Variants in PRKN observed in about 807,000 individuals in gnomAD.
PRKN encodes the protein parkin RBR E3 ubiquitin protein ligase.
A neutral mutation model predicts 59.5 loss-of-function variants in PRKN; 56 were observed. The ratio of observed to expected loss-of-function variants is 0.94; its 90% CI spans 0.76 to 1.18. The LOEUF (loss-of-function observed/expected upper bound fraction) is 1.18, where lower values mean the gene tolerates loss of function less well. Among genes scored for constraint, PRKN ranks in the 50% most tolerant of loss-of-function variants. The pLI, the probability that PRKN is intolerant of heterozygous loss-of-function variation, is 0.00. For synonymous variants in PRKN, 250 were observed against 222.1 expected, an observed-to-expected ratio of 1.13 and a Z score of -1.12; for missense variants, 657 against 596.4, an observed-to-expected ratio of 1.10 and a Z score of -1.06.
At chr6:162,422,495 T>A (rs1562753398) in intron 2 of PRKN, among the ~76,000 whole-genome samples, 1 of 152,192 alleles carries the variant, frequency 6.6e-6, no homozygotes, top group Non-Finnish European at 1.5e-5. Context: ...GCAGGGAAGG[T>A]CCAGAATACA....
chr6:161,847,230 C>T (rs1269857815), intron 6 of PRKN, among the ~76,000 whole-genome samples: 3 of 152,090 alleles, frequency 2.0e-5, no homozygotes, highest in African/African-American at 7.2e-5. Flanking sequence ...ATTGCTTGAA[C>T]CAGGGAGTTG....
intron 9 of PRKN, among the ~76,000 whole-genome samples, chr6:161,494,648 T>TA (rs1439718321): frequency 2.0e-5 from 3 of 152,258 alleles, no homozygotes; most frequent in Admixed American, 1.3e-4. Context: ...AATGTGCTGA[T>TA]ACTGTGTGAG....
At chr6:161,478,590 A>AT (rs1188288939) in intron 9 of PRKN, among the ~76,000 whole-genome samples, 2 of 152,352 alleles carry the variant, frequency 1.3e-5, no homozygotes, top group African/African-American at 4.8e-5. Flanking sequence ...CACACCTGTA[A>AT]TCCCACCACT....
intron 1 of PRKN, among the ~76,000 whole-genome samples, chr6:162,517,639 C>A (rs1287676378): frequency 6.6e-6 from 1 of 151,974 alleles, no homozygotes; most frequent in Non-Finnish European, 1.5e-5. Context: ...TCATTGCGTC[C>A]TTGATAAAAT....
intron 4 of PRKN, among the ~76,000 whole-genome samples, chr6:162,063,488 C>T (rs1353534026): frequency 6.6e-6 from 1 of 151,998 alleles, no homozygotes; most frequent in Non-Finnish European, 1.5e-5. Context: ...TTAACAAACG[C>T]TCTCATATAT....
intron 3 of PRKN, among the ~76,000 whole-genome samples, chr6:162,221,230 A>C (rs979741305): frequency 6.6e-6 from 1 of 152,190 alleles, no homozygotes; most frequent in African/African-American, 2.4e-5. Flanking sequence ...TGTTCGCCTC[A>C]GTCCTAGTGC....
chr6:162,241,639 C>T (rs1373282502), intron 3 of PRKN, among the ~76,000 whole-genome samples: 1 of 152,086 alleles, frequency 6.6e-6, no homozygotes, highest in Non-Finnish European at 1.5e-5. Flanking sequence ...CTACTTTATT[C>T]AAGAGTATAA....
At chr6:161,755,812 G>T (rs1788891744) in intron 7 of PRKN, among the ~76,000 whole-genome samples, 1 of 152,066 alleles carries the variant, frequency 6.6e-6, no homozygotes, top group African/African-American at 2.4e-5. Flanking sequence ...CTGTCTTCAT[G>T]TCAGCCAGAT....
chr6:162,543,145 A>C (rs1778989555), intron 1 of PRKN, among the ~76,000 whole-genome samples: 1 of 152,062 alleles, frequency 6.6e-6, no homozygotes. Context: ...TTTCCGAACA[A>C]CACAGTATCC....
At chr6:162,333,084 GC>G (rs1783662079) in intron 2 of PRKN, among the ~76,000 whole-genome samples, 1 of 152,014 alleles carries the variant, frequency 6.6e-6, no homozygotes, top group Non-Finnish European at 1.5e-5. Context: ...GAAATATTTT[GC>G]CCTGTTACTA....
At position 161,357,636 on chromosome 6, in the gene PRKN, C is replaced by T. The variant is rs1003472245; in HGVS notation, c.1285+2452G>A. Among the ~76,000 whole-genome samples the T allele has an allele frequency of 3.3e-5, 5 of 152,220 alleles. No homozygotes were observed. Among genetic ancestry groups the T allele is most frequent in the African/African-American group, 9.7e-5 (4 of 41,444 alleles). ...AAAGTCCTCTTTGGTCCTGTTATGC[C>T]TAGAGCTACTCACTATGACATGGTA... On this transcript the variant is annotated intron_variant, in intron 11 of 11. Transcript: ENST00000366898. This position sits in a 1 kb window ranked among gnomAD's most constrained non-coding sequence, Gnocchi z 5.5.
At chr6:161,654,033 A>C (rs1305999812) in intron 7 of PRKN, among the ~76,000 whole-genome samples, 1 of 151,944 alleles carries the variant, frequency 6.6e-6, no homozygotes, top group Non-Finnish European at 1.5e-5. Flanking sequence ...GGATCTTGCC[A>C]TGTTGTTGAG....
At chr6:161,398,908 T>G (rs947568832) in intron 9 of PRKN, among the ~76,000 whole-genome samples, 3 of 152,132 alleles carry the variant, frequency 2.0e-5, no homozygotes, top group Admixed American at 6.5e-5. Flanking sequence ...AGCAAAGGCC[T>G]GACCCTCAAG....
At chr6:161,894,654 G>C (rs961409178) in intron 6 of PRKN, among the ~76,000 whole-genome samples, 1 of 152,164 alleles carries the variant, frequency 6.6e-6, no homozygotes, top group Non-Finnish European at 1.5e-5. Context: ...TTCTTCCCGT[G>C]TTTGTGTCCT....
At chr6:162,211,816 A>G (rs932448719) in intron 3 of PRKN, among the ~76,000 whole-genome samples, 3 of 152,172 alleles carry the variant, frequency 2.0e-5, no homozygotes, top group African/African-American at 7.2e-5. Flanking sequence ...AAAAATTTGG[A>G]TCATTTCTAG....
rs1488768163 is a variant in PRKN, at chr6:162,686,833, TG to T, written c.7+40828del. 8.5e-5 allele frequency among the ~76,000 whole-genome samples: 13 copies of T among 152,306 alleles called. No individual in the cohort carries two copies. In the East Asian group the frequency reaches 2.5e-3, roughly 29 times the overall value. ...GATCAGCTGGCACTCCGTAGATATA[TG>T]GCTTTATTTCTGGGTTCTCTATTCT... is the stretch of plus-strand genomic sequence containing the variant. On this transcript the variant is annotated intron_variant, in intron 1 of 11. Coordinates refer to ENST00000366898, the MANE Select transcript of PRKN (RefSeq NM_004562.3).
chr6:161,617,348 T>G (rs558030804), intron 7 of PRKN, among the ~76,000 whole-genome samples: 1 of 152,366 alleles, frequency 6.6e-6, no homozygotes, highest in East Asian at 1.9e-4. Flanking sequence ...TCTCCCATTG[T>G]GTAGGCTGCC....
chr6:162,206,902 C>T (rs1784969431), intron 3 of PRKN, among the ~76,000 whole-genome samples: 1 of 152,206 alleles, frequency 6.6e-6, no homozygotes, highest in Non-Finnish European at 1.5e-5. Flanking sequence ...CCAGCAAGCG[C>T]TTCTTTACAC....
chr6:161,466,422 G>A lies in PRKN; in HGVS notation c.1084-79545C>T, dbSNP rs904976737. 2.0e-5 allele frequency among the ~76,000 whole-genome samples: 3 copies of A among 151,886 alleles called. No individual in the cohort carries two copies. The highest frequency in any genetic ancestry group is 4.8e-5 in the African/African-American group (2 of 41,320). ...CTGTTTGGCTTGTTCTTTTTGTTACGGTAGAAATCTAGAAAATAGTTTTAT... is the reference window on the plus strand; with the variant it reads ...CTGTTTGGCTTGTTCTTTTTGTTACAGTAGAAATCTAGAAAATAGTTTTAT... On this transcript the variant is annotated intron_variant, in intron 9 of 11. Coordinates refer to ENST00000366898, the MANE Select transcript of PRKN (RefSeq NM_004562.3). This position sits in a 1 kb window ranked among gnomAD's most constrained non-coding sequence, Gnocchi z 5.0.
Sources: gnomAD v4.1 joint callset for allele counts (sites outside exome capture counted in the v4.1 genomes callset) on GRCh38, gnomAD v4.1.1 for gene constraint, Gnocchi (gnomAD v3.1) non-coding constraint, MANE v1.5 for transcripts, NCBI Gene and HGNC (gene_info 2026-07-23, HGNC 2026-07-21) for gene names.